Variants in ARMC2 observed in about 807,000 individuals in gnomAD.
The protein encoded by ARMC2 is armadillo repeat-containing protein 2.
ARMC2 carries 67 observed loss-of-function variants against 90.3 expected under a neutral mutation model. The observed-to-expected ratio is 0.74, with a 90% CI of 0.61 to 0.91. ARMC2 has a LOEUF of 0.91. Ranked by LOEUF, ARMC2 falls within the 40% of genes least tolerant of loss-of-function variation. The pLI is 0.00. For missense variants in ARMC2, 920 were observed against 1,030.9 expected (o/e 0.89, Z 1.47); for synonymous variants, 393 against 393.0 (o/e 1.00, Z 0.00).
chr6:108,928,337 T>G (rs755224203), intron 11 of ARMC2, 104 bp downstream of exon 11: 51 of 1,204,444 alleles, frequency 4.2e-5, no homozygotes, highest in Non-Finnish European at 5.2e-5. Flanking sequence ...TCCTTTTCCT[T>G]CTTTTTACTT....
chr6:108,938,052 AC>A (rs773425821), intron 12 of ARMC2, among the ~76,000 whole-genome samples: 62 of 152,200 alleles, frequency 4.1e-4, no homozygotes, highest in Non-Finnish European at 7.2e-4. Flanking sequence ...AGCAAAGTCT[AC>A]TTTTATTCAC....
intron 3 of ARMC2, among the ~76,000 whole-genome samples, chr6:108,862,521 GC>G (rs1775378642): frequency 6.6e-6 from 1 of 152,014 alleles, no homozygotes; most frequent in Admixed American, 6.6e-5. Context: ...AAAATTTGGG[GC>G]CCCCAGTCAA....
chr6:109,028,535 T>C, the ARMC2 span, among the ~76,000 whole-genome samples: 1 of 152,192 alleles, frequency 6.6e-6, no homozygotes, highest in African/African-American at 2.4e-5. Flanking sequence ...AGCAAAAAAG[T>C]AAAGTGGTCT....
In ARMC2 at chr6:108,848,450, C is replaced by T. The variant is rs982263721; in HGVS notation, c.-140C>T. ...GGCCGAGCGGCGTCGTGGGGTTACC[C>T]CGCCCGCGCCAGCGCTGCATCCCTG... On this transcript the variant is annotated 5_prime_UTR_variant, in exon 1 of 18. Transcript: ENST00000392644. The T allele has an allele frequency of 6.6e-6, 1 of 152,336 alleles. No individual in the cohort carries two copies. The highest frequency in any genetic ancestry group is 2.1e-4 in the South Asian group (1 of 4,838). 9.4% of individuals were successfully genotyped at this position (152,336 alleles called of 1,614,324 possible). A position where few individuals can be genotyped will look rare whatever the true frequency, so the allele number is the denominator to read the frequency against.
the ARMC2 span, among the ~76,000 whole-genome samples, chr6:108,995,103 G>A: frequency 6.6e-6 from 1 of 152,104 alleles, no homozygotes; most frequent in African/African-American, 2.4e-5. Context: ...ATACAGACAT[G>A]CAGATTTTAA....
chr6:108,903,991 G>A (rs1772411105), intron 7 of ARMC2, among the ~76,000 whole-genome samples: 1 of 152,122 alleles, frequency 6.6e-6, no homozygotes, highest in African/African-American at 2.4e-5. Context: ...TTGAAAGACT[G>A]TGTATTCTAG....
At chr6:108,956,750 G>GAAA in intron 13 of ARMC2, among the ~76,000 whole-genome samples, 1 of 152,238 alleles carries the variant, frequency 6.6e-6, no homozygotes, top group Admixed American at 6.5e-5. Context: ...CCAGCACTTT[G>GAAA]GGAGGCTGAG....
At chr6:108,880,125 CA>C in intron 5 of ARMC2, 2 of 364,562 alleles carry the variant, frequency 5.5e-6, no homozygotes, top group Non-Finnish European at 1.1e-5. Context: ...GAAACAACAA[CA>C]AAAAAATGGC....
At chr6:109,019,945 A>G in the ARMC2 span, among the ~76,000 whole-genome samples, 36 of 152,250 alleles carry the variant, frequency 2.4e-4, no homozygotes, top group Non-Finnish European at 4.7e-4. Context: ...AAATTTATAC[A>G]TAAGTGGGTT....
chr6:108,920,309 C>T (rs2128479913), intron 10 of ARMC2, among the ~76,000 whole-genome samples: 1 of 152,290 alleles, frequency 6.6e-6, no homozygotes, highest in Admixed American at 6.5e-5. Flanking sequence ...CCTGCCTCAG[C>T]CTCCCAAGTA....
chr6:109,042,805 CATA>C, the ARMC2 span, among the ~76,000 whole-genome samples: 1 of 151,928 alleles, frequency 6.6e-6, no homozygotes, highest in Non-Finnish European at 1.5e-5. Context: ...TCCAATTTTA[CATA>C]ATATTTTCCA....
At chr6:108,865,713 T>C (rs998392995) in intron 3 of ARMC2, among the ~76,000 whole-genome samples, 4 of 152,152 alleles carry the variant, frequency 2.6e-5, no homozygotes, top group African/African-American at 9.7e-5. Flanking sequence ...CCAAACCATA[T>C]TTTCACTCTT....
At chr6:109,002,274 G>C in the ARMC2 span, 2 of 1,612,292 alleles carry the variant, frequency 1.2e-6, no homozygotes, top group Non-Finnish European at 1.7e-6. Context: ...CACAAACAAC[G>C]TACCTCCTTT....
At chr6:108,892,321 G>T (rs1420150128) in intron 5 of ARMC2, among the ~76,000 whole-genome samples, 1 of 152,054 alleles carries the variant, frequency 6.6e-6, no homozygotes, top group Admixed American at 6.6e-5. Context: ...AGCCATTTTC[G>T]ATTGGCTAGT....
rs567965532 is a variant in ARMC2 at position 108,862,339 on chromosome 6, T to C, written c.291+4068T>C. Among the ~76,000 whole-genome samples the C allele has an allele frequency of 2.3e-4, 16 of 71,072 alleles. No individual in the cohort carries two copies. In the Admixed American group the frequency reaches 3.4e-3, roughly 15 times the overall value. The allele number at this position is 71,072 out of a possible 152,430, so 46.6% of individuals were successfully genotyped here. Reference sequence around the variant, plus strand: ...AACCTGGGTAATAGAGTGAGACTCATCTCAAAAAAAAAAAAAAAACAAAAA... The same window carrying C: ...AACCTGGGTAATAGAGTGAGACTCACCTCAAAAAAAAAAAAAAAACAAAAA... On this transcript the variant is annotated intron_variant, in intron 3 of 17. Coordinates refer to ENST00000392644, the MANE Select transcript of ARMC2 (RefSeq NM_032131.6).
chr6:108,958,932 T>TC (rs1203897520), intron 13 of ARMC2, among the ~76,000 whole-genome samples: 1 of 152,224 alleles, frequency 6.6e-6, no homozygotes, highest in Non-Finnish European at 1.5e-5. Context: ...AGCACAGGGT[T>TC]CTGGCTCCAG....
rs1026150804 is a variant in ARMC2, at chr6:108,962,864, G to A, written c.2152+737G>A. ...TACAAAAATTTAAAATTAGCCAGAC[G>A]TGGTGGTGGCACAAGTCCCAGCTAC... On this transcript the variant is annotated intron_variant, in intron 15 of 17. Transcript: ENST00000392644. Among the ~76,000 whole-genome samples, 6 of 152,088 alleles carry A rather than the reference G, an allele frequency of 3.9e-5. No homozygotes were observed. In the East Asian group the frequency reaches 5.8e-4, roughly 15 times the overall value.
intron 11 of ARMC2, among the ~76,000 whole-genome samples, chr6:108,931,050 C>A (rs1413510231): frequency 6.6e-6 from 1 of 151,614 alleles, no homozygotes; most frequent in Non-Finnish European, 1.5e-5. Flanking sequence ...AAAGAGTTAT[C>A]TTTTCTGCTC....
At chr6:108,956,347 G>C (rs746064849) in intron 13 of ARMC2, among the ~76,000 whole-genome samples, 6 of 152,030 alleles carry the variant, frequency 3.9e-5, no homozygotes, top group Non-Finnish European at 5.9e-5. Flanking sequence ...TACCTATAAA[G>C]GAAGAGTGAA....
Sources: allele counts gnomAD v4.1 joint callset (sites outside exome capture counted in the v4.1 genomes callset), GRCh38; gene constraint gnomAD v4.1.1; transcripts MANE v1.5; gene names NCBI Gene and HGNC (gene_info 2026-07-23, HGNC 2026-07-21).